Variants in GIMAP8 observed in about 807,000 individuals in gnomAD.
GIMAP8 encodes the protein GTPase, IMAP family member 8, also known as GTPase IMAP family member 8.
In GIMAP8, 29 loss-of-function variants were observed where a neutral mutation model predicts 35.6. The ratio of observed to expected loss-of-function variants is 0.81; its 90% CI spans 0.61 to 1.11. The LOEUF (loss-of-function observed/expected upper bound fraction) is 1.11, where lower values mean the gene tolerates loss of function less well. Among genes scored for constraint, GIMAP8 ranks in the 50% most tolerant of loss-of-function variants. The pLI, the probability that GIMAP8 is intolerant of heterozygous loss-of-function variation, is 0.00. For missense variants in GIMAP8, 811 were observed against 805.0 expected, an observed-to-expected ratio of 1.01 and a Z score of -0.09; for synonymous variants, 335 against 308.7, an observed-to-expected ratio of 1.09 and a Z score of -0.89.
chr7:150,464,584 C>T (rs547651126), intron 1 of GIMAP8, among the ~76,000 whole-genome samples: 102 of 151,902 alleles, frequency 6.7e-4, no homozygotes, highest in Non-Finnish European at 1.1e-3. Context: ...ATCTGGAGGT[C>T]GAGGCAGGAG....
In GIMAP8 at chr7:150,478,494, G is replaced by C. The variant is rs1802294009; in HGVS notation, c.*714G>C. ...GTGACATAGACTAGAACAGAAATTA[G>C]AAGCATAGTAAGATTGCCAAAATCA... On this transcript the variant is annotated 3_prime_UTR_variant, in exon 5 of 5. Coordinates refer to ENST00000307271, the MANE Select transcript of GIMAP8 (RefSeq NM_175571.4). 6.6e-6 allele frequency: 1 copy of C among 152,156 alleles called. No homozygotes were observed. The highest frequency in any genetic ancestry group is 1.5e-5 in the Non-Finnish European group (1 of 68,034). The allele number at this position is 152,156 out of a possible 1,614,324, so 9.4% of individuals were successfully genotyped here. A position where few individuals can be genotyped will look rare whatever the true frequency, so the allele number is the denominator to read the frequency against.
intron 1 of GIMAP8, among the ~76,000 whole-genome samples, chr7:150,460,850 G>A (rs78186435): frequency 0.021 from 3,249 of 152,264 alleles, 101 homozygotes; most frequent in African/African-American, 0.07. Flanking sequence ...GAGTCCTTCC[G>A]TGCACACCTG....
chr7:150,466,870 G>T lies in GIMAP8; in HGVS notation c.172G>T (p.Glu58Ter). 1 of 1,614,256 alleles carries T rather than the reference G, an allele frequency of 6.2e-7. No homozygotes were observed. Among genetic ancestry groups the T allele is most frequent in the Non-Finnish European group, 8.5e-7 (1 of 1,180,046 alleles). ...CCAGAGAGAGAGTTGGGTCCTGAGA[G>T]AAAGGAAGGTTGTGGTAATTGACAC... Reference protein sequence around the residue: ...MCQRESWVLRERKVVVIDTPD... With the variant: ...MCQRESWVLR Residue 58 changes from glutamate (E) to a stop codon, truncating the protein, a stop_gained, in exon 2 of 5, where the codon GAA becomes TAA. Transcript: ENST00000307271. LOFTEE classifies it high-confidence loss of function.
chr7:150,452,675 G>GAGATAT (rs1554492376), intron 1 of GIMAP8, among the ~76,000 whole-genome samples: 3 of 79,672 alleles, frequency 3.8e-5, no homozygotes, highest in Non-Finnish European at 6.8e-5. Flanking sequence ...GTGTGTGTGA[G>GAGATAT]ATATATATAT....
At chr7:150,465,979 A>C (rs1801947797) in intron 1 of GIMAP8, among the ~76,000 whole-genome samples, 1 of 152,198 alleles carries the variant, frequency 6.6e-6, no homozygotes, top group African/African-American at 2.4e-5. Flanking sequence ...TACAGATCTC[A>C]GCTAATGCGT....
At chr7:150,471,729 C>T (rs113247004) in intron 3 of GIMAP8, among the ~76,000 whole-genome samples, 98 of 151,878 alleles carry the variant, frequency 6.5e-4, no homozygotes, top group African/African-American at 1.9e-3. Context: ...CTCAGCTACT[C>T]GGGAGGCTAA....
At position 150,474,225 on chromosome 7, in the gene GIMAP8, CG is replaced by C; in HGVS notation, c.897del (p.Ile300SerfsTer10). On this transcript the variant is annotated frameshift_variant, in exon 4 of 5. Transcript: ENST00000307271. LOFTEE classifies it high-confidence loss of function. Reference protein sequence around the residue: ...ESRSWRKKKVSIIDAPDISSL... With the variant: ...ESRSWRKKKVXIIDAPDISSL... ...AGAAGCTGGAGAAAAAAGAAAGTTT[CG>C]ATCATTGATGCTCCGGACATCTCAT... is the stretch of plus-strand genomic sequence containing the variant. 2 of 1,614,124 alleles carry C rather than the reference CG, an allele frequency of 1.2e-6. No individual in the cohort carries two copies. The highest frequency in any genetic ancestry group is 1.3e-5 in the African/African-American group (1 of 75,022).
At chr7:150,459,994 A>T (rs867445656) in intron 1 of GIMAP8, among the ~76,000 whole-genome samples, 21 of 152,214 alleles carry the variant, frequency 1.4e-4, no homozygotes, top group African/African-American at 5.1e-4. Flanking sequence ...TAGCTTGCTG[A>T]TAACCCTGGG....
chr7:150,467,137 T>C lies in GIMAP8; in HGVS notation c.439T>C (p.Phe147Leu), dbSNP rs767618404. The change falls in exon 2 of 5, where the codon TTC becomes CTC. Residue 147 changes from phenylalanine to leucine, a missense_variant. Coordinates refer to ENST00000307271, the MANE Select transcript of GIMAP8 (RefSeq NM_175571.4). ...DDLGDDLLQDFIEKNKPLKQL... is the reference protein window; with the variant it reads ...DDLGDDLLQDLIEKNKPLKQL... ...TTTGGGGGATGACTTGCTGCAAGAT[T>C]TCATTGAAAAAAACAAACCTCTCAA... 111 of 1,614,030 alleles carry C rather than the reference T, an allele frequency of 6.9e-5. No individual in the cohort carries two copies. Among genetic ancestry groups the C allele is most frequent in the Non-Finnish European group, 9.2e-5 (108 of 1,180,036 alleles).
At chr7:150,463,962 C>T (rs56305279) in intron 1 of GIMAP8, among the ~76,000 whole-genome samples, 3,161 of 152,250 alleles carry the variant, frequency 0.021, 127 homozygotes, top group African/African-American at 0.072. Context: ...CCCTTAGACC[C>T]CCAAGTGGCA....
In GIMAP8 at chr7:150,472,989, C is replaced by A. The variant is rs545430905; in HGVS notation, c.683-1023C>A. On this transcript the variant is annotated intron_variant, in intron 3 of 4. Coordinates refer to ENST00000307271, the MANE Select transcript of GIMAP8 (RefSeq NM_175571.4). This position sits in a 1 kb window ranked among gnomAD's most constrained non-coding sequence, Gnocchi z 4.1. The stretch of plus-strand genomic sequence containing the variant: ...TTTCCTTTAGTCTTTTCAACCTCAA[C>A]GTGGGCATTAGATTCCCATTCTACC... Among the ~76,000 whole-genome samples the A allele has an allele frequency of 6.6e-6, 1 of 152,194 alleles. No individual in the cohort carries two copies. Among genetic ancestry groups the A allele is most frequent in the Non-Finnish European group, 1.5e-5 (1 of 68,036 alleles).
intron 4 of GIMAP8, among the ~76,000 whole-genome samples, chr7:150,476,630 C>G (rs1041375414): frequency 1.3e-5 from 2 of 152,118 alleles, no homozygotes; most frequent in African/African-American, 4.8e-5. Flanking sequence ...TCTTTAAATA[C>G]TGTAAGGAGA....
chr7:150,453,002 G>A (rs1289275431), intron 1 of GIMAP8, among the ~76,000 whole-genome samples: 1 of 151,962 alleles, frequency 6.6e-6, no homozygotes, highest in African/African-American at 2.4e-5. Context: ...CAGGCACAAT[G>A]TTAGGGCCTG....
At chr7:150,452,893 C>T (rs888308615) in intron 1 of GIMAP8, among the ~76,000 whole-genome samples, 2 of 150,830 alleles carry the variant, frequency 1.3e-5, no homozygotes, top group African/African-American at 4.9e-5. Context: ...CGGCCTCCCT[C>T]TCAGTTCTAA....
chr7:150,470,774 T>TTTTTTG, intron 2 of GIMAP8, 55 bp from the exon 3 acceptor site: 2 of 792,534 alleles, frequency 2.5e-6, no homozygotes, highest in Admixed American at 2.4e-5. Flanking sequence ...TTTTTCAGTT[T>TTTTTTG]GTGGAAGATG....
In GIMAP8 at chr7:150,467,192, A is replaced by G; in HGVS notation, c.494A>G (p.Tyr165Cys). ...TTGGTTCAAGACTATGAGGGCCGAT[A>G]CTGCATTTTCAACAACAAGACCAAT... Reference protein sequence around the residue: ...KQLVQDYEGRYCIFNNKTNSK... With the variant: ...KQLVQDYEGRCCIFNNKTNSK... Residue 165 changes from tyrosine to cysteine, a missense_variant, in exon 2 of 5, where the codon TAC (tyrosine) becomes TGC (cysteine). Physicochemically the swap from Tyr to Cys is radical, Grantham distance 194 (BLOSUM62 -2). Transcript: ENST00000307271. 6.2e-7 allele frequency: 1 copy of G among 1,614,218 alleles called. No individual in the cohort carries two copies.
At chr7:150,470,937 C>G in intron 3 of GIMAP8, 63 bp downstream of exon 3, 2 of 1,184,792 alleles carry the variant, frequency 1.7e-6, no homozygotes, top group South Asian at 2.4e-5. Flanking sequence ...ATTCTGCAGC[C>G]AAAGTGAAGC....
rs1308329723 is a variant in GIMAP8 at position 150,477,549 on chromosome 7, C to T, written c.1767C>T (p.Arg589=). 10 of 1,614,070 alleles carry T rather than the reference C, an allele frequency of 6.2e-6. No individual in the cohort carries two copies. The highest frequency in any genetic ancestry group is 6.8e-6 in the Non-Finnish European group (8 of 1,180,034). ...MKNSDNKALR[R]IFKKCGRRVC... is the part of the protein sequence containing the mutation. ...ACTCAGATAACAAAGCCCTTCGGCG[C>T]ATTTTTAAAAAGTGTGGGCGGCGAG... is the stretch of plus-strand genomic sequence containing the variant. Residue 589 remains arginine (R), a synonymous_variant, in exon 5 of 5, where the codon CGC becomes CGT. Coordinates refer to ENST00000307271, the MANE Select transcript of GIMAP8 (RefSeq NM_175571.4).
At chr7:150,463,398 TA>T (rs1801883444) in intron 1 of GIMAP8, among the ~76,000 whole-genome samples, 1 of 152,354 alleles carries the variant, frequency 6.6e-6, no homozygotes, top group South Asian at 2.1e-4. Flanking sequence ...TTGGAGATAC[TA>T]TGTTCCCTTG....
Sources: allele counts gnomAD v4.1 joint callset (sites outside exome capture counted in the v4.1 genomes callset), GRCh38; gene constraint gnomAD v4.1.1; non-coding constraint Gnocchi (gnomAD v3.1); transcripts MANE v1.5; gene names NCBI Gene and HGNC (gene_info 2026-07-23, HGNC 2026-07-21).